The following CTPS2 variants were observed in gnomAD, a reference collection of about 807,000 sequenced individuals.
CTPS2 encodes the protein CTP synthase 2.
Under a neutral mutation model 46.8 loss-of-function variants are expected in CTPS2, and 19 were observed. That is an observed-to-expected ratio of 0.41 (90% CI 0.28 to 0.60). CTPS2 has a LOEUF of 0.60. Ranked by LOEUF, CTPS2 falls within the 20% of genes least tolerant of loss-of-function variation. The probability of loss-of-function intolerance (pLI) is 0.35; values close to 1 mark genes in which losing one functional copy is unlikely to be tolerated. For synonymous variants in CTPS2, 151 were observed against 165.2 expected (o/e 0.91, Z 0.66); for missense variants, 286 against 447.6 (o/e 0.64, Z 3.26).
intron 9 of CTPS2, among the ~76,000 whole-genome samples, chrX:16,678,773 G>A (rs780261495): frequency 9.1e-6 from 1 of 110,384 alleles, no homozygotes; most frequent in South Asian, 3.9e-4. Flanking sequence ...AAGCTGAGGT[G>A]GGAGGATCCT....
At chrX:16,678,220 G>T in intron 10 of CTPS2, 142 bp downstream of exon 10, 1 of 503,932 alleles carries the variant, frequency 2.0e-6, no homozygotes. Flanking sequence ...GTATGATCGT[G>T]GAACAATCAC....
chrX:16,645,705 T>C (rs1932289425), intron 13 of CTPS2, among the ~76,000 whole-genome samples: 1 of 112,668 alleles, frequency 8.9e-6, no homozygotes, highest in Non-Finnish European at 1.9e-5. Context: ...TTCCCCAAAG[T>C]TGATGTGTTG....
chrX:16,602,233 C>T (rs1010323285), intron 17 of CTPS2, among the ~76,000 whole-genome samples: 2 of 111,521 alleles, frequency 1.8e-5, no homozygotes, highest in Admixed American at 1.9e-4. Flanking sequence ...ATTTCCCACA[C>T]TGCTGGGACT....
chrX:16,677,083 AGGGAT>A (rs1260799738), intron 10 of CTPS2, among the ~76,000 whole-genome samples: 5 of 105,261 alleles, frequency 4.8e-5, no homozygotes, highest in Non-Finnish European at 9.7e-5. Flanking sequence ...AAAAAACAAG[AGGGAT>A]GGGTAACGTA....
chrX:16,604,292 T>C (rs952608929), intron 17 of CTPS2, among the ~76,000 whole-genome samples: 2 of 112,481 alleles, frequency 1.8e-5, no homozygotes, highest in East Asian at 5.6e-4. Flanking sequence ...CCCAAAAAGC[T>C]GCATTTCTGT....
At chrX:16,698,406 C>T (rs1157434982) in intron 3 of CTPS2, 70 bp from the exon 4 acceptor site, 1 of 716,219 alleles carries the variant, frequency 1.4e-6, no homozygotes, top group Admixed American at 2.6e-5. Flanking sequence ...TTAGGCCTCC[C>T]CAATCACCTG....
At chrX:16,605,335 T>A (rs1929912007) in intron 17 of CTPS2, among the ~76,000 whole-genome samples, 1 of 111,868 alleles carries the variant, frequency 8.9e-6, no homozygotes, top group South Asian at 3.7e-4. Context: ...AGGAGAGAGA[T>A]CATAGGAAAC....
chrX:16,621,443 A>C (rs921997253), intron 14 of CTPS2, among the ~76,000 whole-genome samples: 3 of 101,825 alleles, frequency 2.9e-5, no homozygotes, highest in Non-Finnish European at 4.0e-5. Context: ...CTAGAACTTA[A>C]AGTATAATAA....
chrX:16,699,009 T>G lies in CTPS2; in HGVS notation c.251A>C (p.Lys84Thr), dbSNP rs1267457654. The change falls in exon 3 of 19, where the codon AAA becomes ACA. Residue 84 changes from lysine to threonine, a missense_variant. Physicochemically the swap from Lys to Thr is moderately conservative, Grantham distance 78 (BLOSUM62 -1). Coordinates refer to ENST00000359276, the MANE Select transcript of CTPS2 (RefSeq NM_175859.3). ...CTTCCCCGTGGTGATATTGTTGTCT[T>G]TATAAAGATTAATATCCAAAAATCT... ...YERFLDINLY[K>T]DNNITTGKIY... 2.5e-6 allele frequency: 3 copies of G among 1,191,786 alleles called. No individual in the cohort carries two copies. Among genetic ancestry groups the G allele is most frequent in the Non-Finnish European group, 3.4e-6 (3 of 882,235 alleles).
At chrX:16,660,427 C>CAG (rs113500038) in intron 13 of CTPS2, among the ~76,000 whole-genome samples, 48,035 of 108,016 alleles carry the variant, frequency 0.44, 8,286 homozygotes, top group African/African-American at 0.56. Context: ...TTTTTTGAGA[C>CAG]AGTCTTGCTC....
intron 4 of CTPS2, among the ~76,000 whole-genome samples, chrX:16,695,890 A>AC (rs1469465619): frequency 9.6e-6 from 1 of 103,764 alleles, no homozygotes; most frequent in East Asian, 3.1e-4. Flanking sequence ...TCGCTCTGCC[A>AC]CCCAGGCTGG....
At position 16,651,378 on chromosome X, in the gene CTPS2, A is replaced by G. The variant is rs770703618; in HGVS notation, c.1297-12135T>C. On this transcript the variant is annotated intron_variant, in intron 13 of 18. Transcript: ENST00000359276. ...ACAGGACTCTGCAGGACTAGCCATA[A>G]TAAATGGAAGCAATGCCAAGTTATG... Among the ~76,000 whole-genome samples the G allele has an allele frequency of 2.6e-4, 29 of 111,937 alleles. 1 individual carries two copies. Among genetic ancestry groups the G allele is most frequent in the Admixed American group, 1.5e-3 (16 of 10,537 alleles).
At chrX:16,648,336 A>G (rs778297044) in intron 13 of CTPS2, among the ~76,000 whole-genome samples, 1 of 111,700 alleles carries the variant, frequency 9.0e-6, no homozygotes, top group East Asian at 2.8e-4. Flanking sequence ...TTGATTCTCA[A>G]ATGACTCAGG....
At chrX:16,699,458 T>C (rs1924385317) in intron 2 of CTPS2, among the ~76,000 whole-genome samples, 1 of 112,659 alleles carries the variant, frequency 8.9e-6, no homozygotes, top group South Asian at 3.6e-4. Flanking sequence ...AAGAAACTTT[T>C]ACTTGATTCT....
rs759473259 is a variant in CTPS2, at chrX:16,698,294, T to C, written c.380A>G (p.Asn127Ser). 2.5e-6 allele frequency: 3 copies of C among 1,207,664 alleles called. No homozygotes were observed. In the East Asian group the frequency reaches 8.9e-5, roughly 36 times the overall value. ...ACCATCCACCGGCACCTTGGCTTGA[T>C]TCATAACCCACTCCTGGACAGCATC... is the stretch of plus-strand genomic sequence containing the variant. ...ITDAVQEWVMNQAKVPVDGNK... is the reference protein window; with the variant it reads ...ITDAVQEWVMSQAKVPVDGNK... The change falls in exon 4 of 19, where the codon AAT (asparagine) becomes AGT (serine). Residue 127 changes from asparagine to serine, a missense_variant. Asn to Ser is a conservative substitution (Grantham distance 46). Transcript: ENST00000359276.
chrX:16,695,566 T>G (rs1209039129), intron 4 of CTPS2, among the ~76,000 whole-genome samples: 1 of 111,270 alleles, frequency 9.0e-6, no homozygotes, highest in Non-Finnish European at 1.9e-5. Context: ...ATTTATTTAT[T>G]TTTGAGATGG....
chrX:16,701,633 A>T (rs1924569653), intron 2 of CTPS2, among the ~76,000 whole-genome samples: 1 of 104,951 alleles, frequency 9.5e-6, no homozygotes, highest in Non-Finnish European at 2.0e-5. Flanking sequence ...ATGGAGTCTC[A>T]CTCTGTCACC....
At chrX:16,674,115 ATT>A (rs61591845) in intron 10 of CTPS2, among the ~76,000 whole-genome samples, 4 of 99,044 alleles carry the variant, frequency 4.0e-5, no homozygotes, top group Admixed American at 1.1e-4. Flanking sequence ...GAAAATGTGG[ATT>A]TTTTTTTTTT....
In CTPS2 at chrX:16,672,090, G is replaced by A. The variant is rs551755795; in HGVS notation, c.1095-1416C>T. On this transcript the variant is annotated intron_variant, in intron 10 of 18. Transcript: ENST00000359276. ...TTAGAGTCCTTCCTAAGGTTTAGGG[G>A]GTTAGAGGCCTCTCTCAGTAAAGTC... is the stretch of plus-strand genomic sequence containing the variant. Among the ~76,000 whole-genome samples the A allele has an allele frequency of 5.4e-5, 6 of 111,124 alleles. No individual in the cohort carries two copies. In the South Asian group the frequency reaches 2.3e-3, roughly 43 times the overall value.
Sources: allele counts gnomAD v4.1 joint callset (sites outside exome capture counted in the v4.1 genomes callset), GRCh38; gene constraint gnomAD v4.1.1; transcripts MANE v1.5; gene names NCBI Gene and HGNC (gene_info 2026-07-23, HGNC 2026-07-21).